Variants in CSMD3 observed in about 807,000 individuals in gnomAD.
CSMD3 encodes CUB and Sushi multiple domains 3.
A neutral mutation model predicts 435.2 loss-of-function variants in CSMD3; 177 were observed. The observed-to-expected ratio is 0.41, with a 90% confidence interval of 0.36 to 0.46. The LOEUF is 0.46. Ranked by LOEUF, CSMD3 falls within the 20% of genes least tolerant of loss-of-function variation. The pLI is 0.34. For synonymous variants in CSMD3, 1,656 were observed against 1,520.5 expected (o/e 1.09, Z -2.07); for missense variants, 4,265 against 4,504.6 (o/e 0.95, Z 1.52).
At chr8:112,390,594 C>T (rs1225089468) in intron 36 of CSMD3, 70 bp downstream of exon 36, 1 of 1,268,176 alleles carries the variant, frequency 7.9e-7, no homozygotes, top group Non-Finnish European at 1.2e-6. Flanking sequence ...AAATAATGTT[C>T]ATTCTGTCAT....
At chr8:112,272,961 T>C (rs1817667723) in intron 59 of CSMD3, among the ~76,000 whole-genome samples, 1 of 152,216 alleles carries the variant, frequency 6.6e-6, no homozygotes, top group Admixed American at 6.5e-5. Context: ...TATCAGCTTT[T>C]AGTTTAATAG....
rs553781433 is a variant in CSMD3 at position 113,436,912 on chromosome 8, T to C, written c.-58A>G. ...GCCCGGCGCAGTGGAGTTGTTGCTG[T>C]TGTTGGTGCGCGGTCACAGCTCGGA... is the stretch of plus-strand genomic sequence containing the variant. On this transcript the variant is annotated 5_prime_UTR_variant, in exon 1 of 71. Transcript: ENST00000297405. 4.0e-4 allele frequency: 633 copies of C among 1,596,352 alleles called. 7 individuals are homozygous for C. The South Asian group carries it at 6.6e-3, about 17-fold the overall frequency.
intron 10 of CSMD3, among the ~76,000 whole-genome samples, chr8:112,896,271 C>A (rs1454422844): frequency 6.6e-6 from 1 of 151,410 alleles, no homozygotes; most frequent in African/African-American, 2.4e-5. Flanking sequence ...CAGCCAGCAT[C>A]AACTCCAGGC....
Position 112,311,058 on chromosome 8 carries a change from A to G in CSMD3, c.7805T>C (p.Leu2602Pro). 6.2e-7 allele frequency: 1 copy of G among 1,614,094 alleles called. No homozygotes were observed. ...GCACACAGCACTGCTTTTTCCAACAAGTCGGAATCCTCGATCACAGGCCCA... is the reference window on the plus strand; with the variant it reads ...GCACACAGCACTGCTTTTTCCAACAGGTCGGAATCCTCGATCACAGGCCCA... ...VRWACDRGFR[L>P]VGKSSAVCRK... Residue 2602 changes from leucine (L) to proline (P), a missense_variant, in exon 50 of 71, where the codon CTT (leucine) becomes CCT (proline). Transcript: ENST00000297405.
At chr8:112,293,774 C>T (rs1371671921) in intron 54 of CSMD3, among the ~76,000 whole-genome samples, 1 of 152,048 alleles carries the variant, frequency 6.6e-6, no homozygotes, top group Non-Finnish European at 1.5e-5. Flanking sequence ...ATAGTGCTTC[C>T]TAATTGGGCA....
At chr8:112,760,939 G>C (rs746985084) in intron 13 of CSMD3, among the ~76,000 whole-genome samples, 4 of 152,080 alleles carry the variant, frequency 2.6e-5, no homozygotes, top group Non-Finnish European at 5.9e-5. Flanking sequence ...GATTCCCTTG[G>C]AGAAGATGTG....
At chr8:112,743,769 T>G (rs997724421) in intron 13 of CSMD3, among the ~76,000 whole-genome samples, 8 of 152,040 alleles carry the variant, frequency 5.3e-5, no homozygotes, top group Non-Finnish European at 8.8e-5. Context: ...TGCTTTTTCT[T>G]TTAAATACTT....
chr8:113,270,084 C>T (rs571295309), intron 3 of CSMD3, among the ~76,000 whole-genome samples: 2 of 151,772 alleles, frequency 1.3e-5, no homozygotes, highest in Non-Finnish European at 2.9e-5. Flanking sequence ...GGCTAATATC[C>T]AGAATCTACA....
At position 113,126,441 on chromosome 8, in the gene CSMD3, T is replaced by C. The variant is rs188486767; in HGVS notation, c.710-27478A>G. Reference sequence around the variant, plus strand: ...ATATTGATGTATATAGTTGAAAATATATAAAGGATATCTATATTTAAACAA... The same window carrying C: ...ATATTGATGTATATAGTTGAAAATACATAAAGGATATCTATATTTAAACAA... On this transcript the variant is annotated intron_variant, in intron 4 of 70. Transcript: ENST00000297405. 5.2e-3 allele frequency among the ~76,000 whole-genome samples: 788 copies of C among 152,054 alleles called. 11 individuals are homozygous for C. The highest frequency in any genetic ancestry group is 0.018 in the African/African-American group (761 of 41,542).
chr8:112,612,897 T>C (rs923101987), intron 22 of CSMD3, among the ~76,000 whole-genome samples: 5 of 95,878 alleles, frequency 5.2e-5, no homozygotes, highest in African/African-American at 2.5e-4. Context: ...GGCTAATTAT[T>C]ATTATTATTT....
chr8:112,661,543 C>T (rs950345201), intron 17 of CSMD3, among the ~76,000 whole-genome samples: 6 of 152,196 alleles, frequency 3.9e-5, no homozygotes, highest in African/African-American at 1.4e-4. Flanking sequence ...CTCTTAGTAG[C>T]CTACTTTGAG....
chr8:112,934,079 T>A (rs112992575), intron 9 of CSMD3, among the ~76,000 whole-genome samples: 5,134 of 152,218 alleles, frequency 0.034, 146 homozygotes, highest in Middle Eastern at 0.051. Flanking sequence ...CAGTGGGTAT[T>A]GGCTGAGTAC....
chr8:113,406,245 G>A (rs2094532331), intron 1 of CSMD3, among the ~76,000 whole-genome samples: 1 of 151,830 alleles, frequency 6.6e-6, no homozygotes, highest in Non-Finnish European at 1.5e-5. Flanking sequence ...ATGATAAAAT[G>A]TGCACTTTTG....
chr8:112,975,879 G>C lies in CSMD3; in HGVS notation c.1300C>G (p.Gln434Glu), dbSNP rs979644249. The C allele has an allele frequency of 2.5e-6, 4 of 1,613,686 alleles. No individual in the cohort carries two copies. The highest frequency in any genetic ancestry group is 3.4e-6 in the Non-Finnish European group (4 of 1,179,898). The change falls in exon 7 of 71, where the codon CAG (glutamine) becomes GAG (glutamate). Residue 434 changes from glutamine to glutamate, a missense_variant. Gln to Glu is a conservative substitution (Grantham distance 29, BLOSUM62 2). This residue lies in a region of CSMD3 where 731 missense variants were observed against 755.4 expected (regional missense o/e 0.97). Coordinates refer to ENST00000297405, the MANE Select transcript of CSMD3 (RefSeq NM_198123.2). ...STRRRPRHAE[Q>E]IERTKELAVV... ...GCAAGCTCTTTAGTTCTTTCTATCT[G>C]TTCAGCATGTCTTGGTCTTCTCCTG... is the stretch of plus-strand genomic sequence containing the variant.
intron 3 of CSMD3, among the ~76,000 whole-genome samples, chr8:113,186,571 G>A (rs932226636): frequency 5.3e-5 from 8 of 151,976 alleles, no homozygotes; most frequent in African/African-American, 1.4e-4. Context: ...ATCAGCTCTT[G>A]TGGAAAAGAG....
chr8:112,482,258 T>C (rs1312969823), intron 31 of CSMD3, among the ~76,000 whole-genome samples: 1 of 152,214 alleles, frequency 6.6e-6, no homozygotes, highest in African/African-American at 2.4e-5. Flanking sequence ...AACAGCTATA[T>C]CCTTGAATAG....
chr8:113,392,710 A>AT (rs1182406393), intron 1 of CSMD3, among the ~76,000 whole-genome samples: 1 of 151,998 alleles, frequency 6.6e-6, no homozygotes, highest in African/African-American at 2.4e-5. Context: ...GTAATGATTT[A>AT]TTTTTTCAAC....
chr8:113,423,616 C>T (rs2094620143), intron 1 of CSMD3, among the ~76,000 whole-genome samples: 1 of 151,670 alleles, frequency 6.6e-6, no homozygotes, highest in South Asian at 2.1e-4. Context: ...ATGTCAAATA[C>T]ATAAAAAAAG....
At chr8:112,454,924 A>G (rs7832256) in intron 32 of CSMD3, among the ~76,000 whole-genome samples, 67,459 of 151,764 alleles carry the variant, frequency 0.44, 15,594 homozygotes, top group Middle Eastern at 0.6. Flanking sequence ...CAGCTACTCA[A>G]GAGGCTGAAG....
Sources: allele counts gnomAD v4.1 joint callset (sites outside exome capture counted in the v4.1 genomes callset), GRCh38; gene constraint gnomAD v4.1.1; regional missense constraint gnomAD v4.1.1; transcripts MANE v1.5; gene names NCBI Gene and HGNC (gene_info 2026-07-23, HGNC 2026-07-21).